Variants in NFATC2 observed in about 807,000 individuals in gnomAD.
The protein encoded by NFATC2 is nuclear factor of activated T-cells, cytoplasmic 2.
NFATC2 carries 22 observed loss-of-function variants against 87.3 expected under a neutral mutation model. The observed-to-expected ratio is 0.25, with a 90% CI of 0.18 to 0.36. NFATC2 has a LOEUF of 0.36. Ranked by LOEUF, NFATC2 falls within the 10% of genes least tolerant of loss-of-function variation. The probability of loss-of-function intolerance (pLI) is 1.00; values close to 1 mark genes in which losing one functional copy is unlikely to be tolerated. For missense variants in NFATC2, 1,149 were observed against 1,259.1 expected (o/e 0.91, Z 1.32); for synonymous variants, 565 against 542.2 (o/e 1.04, Z -0.58).
At chr20:51,553,737 G>C (rs927916907) in intron 1 of NFATC2, among the ~76,000 whole-genome samples, 1 of 151,066 alleles carries the variant, frequency 6.6e-6, no homozygotes, top group African/African-American at 2.4e-5. Flanking sequence ...CTTAAACGAC[G>C]GTCCTTGATC....
chr20:51,453,122 G>C (rs1226430282), intron 6 of NFATC2: 1 of 154,480 alleles, frequency 6.5e-6, no homozygotes, highest in Non-Finnish European at 1.5e-5. Flanking sequence ...TTTCGCAAAG[G>C]CGTCATCAAA....
chr20:51,436,725 AACAAAC>A (rs1304238116), intron 6 of NFATC2, among the ~76,000 whole-genome samples: 1 of 151,804 alleles, frequency 6.6e-6, no homozygotes, highest in Non-Finnish European at 1.5e-5. Flanking sequence ...AAAACAAACA[AACAAAC>A]AAACAAACAA....
intron 1 of NFATC2, among the ~76,000 whole-genome samples, chr20:51,526,591 A>G (rs1386554867): frequency 6.6e-6 from 1 of 152,042 alleles, no homozygotes; most frequent in Non-Finnish European, 1.5e-5. Flanking sequence ...TATAAGAACC[A>G]TGTCCGGGGC....
At chr20:51,417,027 C>T (rs191734018) in intron 9 of NFATC2, among the ~76,000 whole-genome samples, 1 of 152,224 alleles carries the variant, frequency 6.6e-6, no homozygotes, top group East Asian at 1.9e-4. Flanking sequence ...GGGGAGCAGC[C>T]CAGGATAAAT....
intron 9 of NFATC2, among the ~76,000 whole-genome samples, chr20:51,404,676 C>G (rs972147639): frequency 2.6e-5 from 4 of 152,206 alleles, no homozygotes; most frequent in Non-Finnish European, 4.4e-5. Flanking sequence ...AGCACTTTCA[C>G]CTTTGAAGCT....
intron 3 of NFATC2, among the ~76,000 whole-genome samples, chr20:51,508,871 C>G (rs1164488328): frequency 1.3e-5 from 2 of 152,156 alleles, no homozygotes; most frequent in African/African-American, 4.8e-5. Context: ...CCACCATCCC[C>G]TCTGGCCTGG....
At chr20:51,485,246 C>G (rs933073860) in intron 3 of NFATC2, among the ~76,000 whole-genome samples, 1 of 152,176 alleles carries the variant, frequency 6.6e-6, no homozygotes, top group African/African-American at 2.4e-5. Context: ...ACCCCAGCCC[C>G]CTCTACTCAT....
intron 10 of NFATC2, among the ~76,000 whole-genome samples, chr20:51,394,798 T>C (rs1333261541): frequency 6.6e-6 from 1 of 152,212 alleles, no homozygotes; most frequent in Non-Finnish European, 1.5e-5. Context: ...TCCAATAATC[T>C]ACCCTAGGCC....
At chr20:51,481,230 T>C (rs952117373) in intron 3 of NFATC2, among the ~76,000 whole-genome samples, 2 of 152,206 alleles carry the variant, frequency 1.3e-5, no homozygotes, top group Admixed American at 1.3e-4. Flanking sequence ...ACTCAGTGAT[T>C]TGGGTTTTGC....
chr20:51,518,904 T>G (rs2076396972), intron 2 of NFATC2, among the ~76,000 whole-genome samples: 1 of 152,170 alleles, frequency 6.6e-6, no homozygotes, highest in African/African-American at 2.4e-5. Context: ...GGGCTCAAAC[T>G]ATCCTCCTGC....
intron 3 of NFATC2, among the ~76,000 whole-genome samples, chr20:51,509,711 G>A (rs1254454172): frequency 2.0e-5 from 3 of 152,212 alleles, no homozygotes; most frequent in Non-Finnish European, 2.9e-5. Flanking sequence ...CTTTCACCTG[G>A]AAAGGAAAAA....
At chr20:51,513,395 C>T (rs1376768533) in intron 3 of NFATC2, among the ~76,000 whole-genome samples, 1 of 152,222 alleles carries the variant, frequency 6.6e-6, no homozygotes, top group Non-Finnish European at 1.5e-5. Flanking sequence ...GGGAGGATCA[C>T]TTGAGCTCAG....
intron 9 of NFATC2, among the ~76,000 whole-genome samples, chr20:51,414,141 G>A (rs913479940): frequency 6.6e-6 from 1 of 151,662 alleles, no homozygotes; most frequent in Non-Finnish European, 1.5e-5. Context: ...AGCAAAGGGT[G>A]GACGTCAGCA....
chr20:51,554,253 T>C (rs1268046204), intron 1 of NFATC2, among the ~76,000 whole-genome samples: 1 of 152,234 alleles, frequency 6.6e-6, no homozygotes, highest in Non-Finnish European at 1.5e-5. Flanking sequence ...AATGACTTCC[T>C]ATGTCTCCCC....
intron 3 of NFATC2, among the ~76,000 whole-genome samples, chr20:51,506,376 G>GAGCAT (rs2076179635): frequency 6.6e-6 from 1 of 152,202 alleles, no homozygotes; most frequent in Non-Finnish European, 1.5e-5. Context: ...ACTATTGCTA[G>GAGCAT]AGTCGGCCCA....
chr20:51,413,992 ATTG>A (rs1979662966), intron 9 of NFATC2, among the ~76,000 whole-genome samples: 1 of 152,190 alleles, frequency 6.6e-6, no homozygotes, highest in African/African-American at 2.4e-5. Context: ...TATTATCATT[ATTG>A]TTCTTTTGTG....
At chr20:51,393,347 G>GAT (rs1485441156) in intron 10 of NFATC2, among the ~76,000 whole-genome samples, 1 of 152,062 alleles carries the variant, frequency 6.6e-6, no homozygotes, top group Non-Finnish European at 1.5e-5. Flanking sequence ...GCTTGGATGA[G>GAT]ATAATGCAAG....
chr20:51,556,060 G>A (rs1010213589), intron 1 of NFATC2, among the ~76,000 whole-genome samples: 5 of 152,244 alleles, frequency 3.3e-5, no homozygotes, highest in African/African-American at 7.2e-5. Context: ...AGGAATCAAC[G>A]CACATGCACT....
chr20:51,491,492 T>G (rs1366249605), intron 3 of NFATC2, among the ~76,000 whole-genome samples: 1 of 152,164 alleles, frequency 6.6e-6, no homozygotes. Flanking sequence ...TTTGCAGTGT[T>G]TGCCCATTTC....
Sources: gnomAD v4.1 joint callset for allele counts (sites outside exome capture counted in the v4.1 genomes callset) on GRCh38, gnomAD v4.1.1 for gene constraint, MANE v1.5 for transcripts, NCBI Gene and HGNC (gene_info 2026-07-23, HGNC 2026-07-21) for gene names.